SLF1: variants seen among roughly 807,000 people sequenced by gnomAD.
SLF1 encodes the protein SMC5/6 complex localization factor 1.
SLF1 carries 105 observed loss-of-function variants against 123.0 expected under a neutral mutation model. The ratio of observed to expected loss-of-function variants is 0.85; its 90% CI spans 0.73 to 1.00. The LOEUF (loss-of-function observed/expected upper bound fraction) is 1.00. SLF1 is among the 50% of genes least tolerant of loss of function. The pLI, the probability that SLF1 is intolerant of heterozygous loss-of-function variation, is 0.00. For synonymous variants in SLF1, 434 were observed against 406.6 expected (o/e 1.07, Z -0.81); for missense variants, 1,239 against 1,223.0 (o/e 1.01, Z -0.20).
intron 15 of SLF1, 72 bp downstream of exon 15, chr5:94,679,027 T>G (rs1212174549): frequency 1.2e-5 from 18 of 1,541,172 alleles, no homozygotes; most frequent in Admixed American, 1.8e-5. Context: ...TTAAGCAGTC[T>G]GTAAGCTTTA....
intron 12 of SLF1, 25 bp from the exon 13 acceptor site, chr5:94,670,126 A>G: frequency 3.9e-6 from 6 of 1,523,464 alleles, no homozygotes; most frequent in Non-Finnish European, 5.3e-6. Flanking sequence ...TGTATGTTAT[A>G]GATTTTTGGG....
At chr5:94,625,934 A>G (rs2039426134) in intron 1 of SLF1, among the ~76,000 whole-genome samples, 1 of 152,100 alleles carries the variant, frequency 6.6e-6, no homozygotes, top group African/African-American at 2.4e-5. Context: ...AGCTACATTA[A>G]TTAACCCATG....
intron 1 of SLF1, among the ~76,000 whole-genome samples, chr5:94,628,083 T>G (rs752227401): frequency 1.3e-5 from 2 of 152,026 alleles, no homozygotes; most frequent in Non-Finnish European, 2.9e-5. Flanking sequence ...CGCCTCGGCC[T>G]CCCAAAGAAA....
rs964737801 is a variant in SLF1, at chr5:94,685,847, A to G, written c.1976-726A>G. Reference sequence around the variant, plus strand: ...AGACTCCGTCTCAAAAAAAAAAAAAAAATTATCCACCATCCCCCATAGTAG... The same window carrying G: ...AGACTCCGTCTCAAAAAAAAAAAAAGAATTATCCACCATCCCCCATAGTAG... On this transcript the variant is annotated intron_variant, in intron 15 of 20. Transcript: ENST00000265140. Among the ~76,000 whole-genome samples the G allele has an allele frequency of 3.3e-5, 5 of 152,214 alleles. No homozygotes were observed. In the East Asian group the frequency reaches 9.6e-4, roughly 29 times the overall value.
chr5:94,679,510 T>G (rs141890739), intron 15 of SLF1, among the ~76,000 whole-genome samples: 1 of 152,158 alleles, frequency 6.6e-6, no homozygotes, highest in East Asian at 1.9e-4. Context: ...GAGGATCCCT[T>G]GAGCCCAGGA....
chr5:94,673,315 CT>C (rs899497282), intron 14 of SLF1, among the ~76,000 whole-genome samples: 7 of 151,738 alleles, frequency 4.6e-5, no homozygotes, highest in African/African-American at 1.7e-4. Context: ...AATTTGTTCT[CT>C]TTTTTTTCTG....
chr5:94,654,647 T>C lies in SLF1; in HGVS notation c.1050T>C (p.Ser350=), dbSNP rs1343088989. The C allele has an allele frequency of 6.5e-7, 1 of 1,538,750 alleles. No individual in the cohort carries two copies. Among genetic ancestry groups the C allele is most frequent in the Admixed American group, 2.0e-5 (1 of 49,106 alleles). The change falls in exon 9 of 21, where the codon TCT becomes TCC. Residue 350 remains serine, a synonymous_variant. Coordinates refer to ENST00000265140, the MANE Select transcript of SLF1 (RefSeq NM_032290.4). The stretch of plus-strand genomic sequence containing the variant: ...ATATGCAGAAAGAAATGAAGAATTC[T>C]ATTTTTGCTGAATATGCCAAAGAAT... ...YNRDQKEMKN[S]IFAEYAKESK...
intron 15 of SLF1, 96 bp downstream of exon 15, chr5:94,679,051 T>G (rs1223152568): frequency 3.6e-6 from 5 of 1,404,880 alleles, no homozygotes; most frequent in Non-Finnish European, 4.8e-6. Context: ...TATGTTCATT[T>G]GAAACTTTCC....
chr5:94,621,437 C>A (rs1161501004), intron 1 of SLF1, among the ~76,000 whole-genome samples: 2 of 152,144 alleles, frequency 1.3e-5, no homozygotes, highest in African/African-American at 4.8e-5. Context: ...GTGGTATAAA[C>A]CACAGTAGGT....
chr5:94,680,649 G>T (rs1234392748), intron 15 of SLF1, among the ~76,000 whole-genome samples: 1 of 152,120 alleles, frequency 6.6e-6, no homozygotes, highest in Non-Finnish European at 1.5e-5. Flanking sequence ...CATAGTAATT[G>T]CCCTTAAGGA....
intron 4 of SLF1, among the ~76,000 whole-genome samples, chr5:94,641,020 T>C (rs1746378327): frequency 6.6e-6 from 1 of 152,192 alleles, no homozygotes; most frequent in Non-Finnish European, 1.5e-5. Flanking sequence ...TTTTTTTTAT[T>C]GCATGCCGGA....
In SLF1 at chr5:94,697,436, T is replaced by G. The variant is rs746321892; in HGVS notation, c.*2124T>G. ...ATAAGTAAAGTATAATTCATAGTCT[T>G]AGTCCTAGATTTTCAATGGCAGACT... On this transcript the variant is annotated 3_prime_UTR_variant, in exon 21 of 21. Transcript: ENST00000265140. 6 of 151,938 alleles carry G rather than the reference T, an allele frequency of 3.9e-5. No individual in the cohort carries two copies. Among genetic ancestry groups the G allele is most frequent in the Non-Finnish European group, 8.8e-5 (6 of 67,920 alleles). 9.4% of individuals were successfully genotyped at this position (151,938 alleles called of 1,614,324 possible). A position where few individuals can be genotyped will look rare whatever the true frequency, so the allele number is the denominator to read the frequency against.
At position 94,644,961 on chromosome 5, in the gene SLF1, A is replaced by C. The variant is rs547099546; in HGVS notation, c.594+1526A>C. Reference sequence around the variant, plus strand: ...TTGTGAAAGATGTTTGAGTCTTCCAAAATTACATGTAATATATCATTATAT... The same window carrying C: ...TTGTGAAAGATGTTTGAGTCTTCCACAATTACATGTAATATATCATTATAT... On this transcript the variant is annotated intron_variant, in intron 5 of 20. Coordinates refer to ENST00000265140, the MANE Select transcript of SLF1 (RefSeq NM_032290.4). Among the ~76,000 whole-genome samples the C allele has an allele frequency of 5.9e-5, 9 of 152,324 alleles. 1 individual carries two copies. The South Asian group carries it at 1.9e-3, about 32-fold the overall frequency.
chr5:94,658,880 A>T (rs994888306), intron 9 of SLF1, among the ~76,000 whole-genome samples: 1 of 148,362 alleles, frequency 6.7e-6, no homozygotes, highest in African/African-American at 2.5e-5. Context: ...CTTTTGCTTG[A>T]TCTAGTCTAT....
chr5:94,694,389 T>C (rs1186580027), intron 20 of SLF1, among the ~76,000 whole-genome samples: 1 of 151,902 alleles, frequency 6.6e-6, no homozygotes, highest in African/African-American at 2.4e-5. Flanking sequence ...TTGTAGTCTT[T>C]GCACTGCTAG....
chr5:94,640,154 G>A (rs1746283213), intron 4 of SLF1, among the ~76,000 whole-genome samples: 1 of 152,044 alleles, frequency 6.6e-6, no homozygotes, highest in Admixed American at 6.5e-5. Flanking sequence ...TTTGCCTAAA[G>A]AACTCTTTTT....
At chr5:94,660,544 G>A (rs1011866239) in intron 9 of SLF1, among the ~76,000 whole-genome samples, 1 of 152,176 alleles carries the variant, frequency 6.6e-6, no homozygotes, top group African/African-American at 2.4e-5. Flanking sequence ...GCCTCTGGCT[G>A]CAGCAGACAA....
At chr5:94,620,183 G>A (rs1791606362) in intron 1 of SLF1, 1 of 152,178 alleles carries the variant, frequency 6.6e-6, no homozygotes, top group African/African-American at 2.4e-5. Flanking sequence ...TAACTCTTGA[G>A]TATTCTTAAT....
chr5:94,689,703 C>G, intron 18 of SLF1, 97 bp downstream of exon 18: 1 of 1,114,364 alleles, frequency 9.0e-7, no homozygotes, highest in Non-Finnish European at 1.3e-6. Flanking sequence ...AATACTTGAA[C>G]TTAAATATTG....
Sources: gnomAD v4.1 joint callset for allele counts (sites outside exome capture counted in the v4.1 genomes callset) on GRCh38, gnomAD v4.1.1 for gene constraint, MANE v1.5 for transcripts, NCBI Gene and HGNC (gene_info 2026-07-23, HGNC 2026-07-21) for gene names.